Variants in KIAA1217 observed in about 807,000 individuals in gnomAD.
KIAA1217 encodes the protein sickle tail protein homolog.
KIAA1217 carries 88 observed loss-of-function variants against 163.9 expected under a neutral mutation model. The ratio of observed to expected loss-of-function variants is 0.54; its 90% CI spans 0.45 to 0.64. KIAA1217 has a LOEUF of 0.64. Ranked by LOEUF, KIAA1217 falls within the 30% of genes least tolerant of loss-of-function variation. The probability of loss-of-function intolerance (pLI) is 0.00; values close to 1 mark genes in which losing one functional copy is unlikely to be tolerated. For synonymous variants in KIAA1217, 903 were observed against 923.1 expected, an observed-to-expected ratio of 0.98 and a Z score of 0.39; for missense variants, 2,372 against 2,475.0, an observed-to-expected ratio of 0.96 and a Z score of 0.88.
At chr10:24,484,241 A>ATATATATATATTT (rs1376083298) in intron 6 of KIAA1217, among the ~76,000 whole-genome samples, 10 of 75,128 alleles carry the variant, frequency 1.3e-4, no homozygotes, top group Non-Finnish European at 2.0e-4. Context: ...ATATATATAT[A>ATATATATATATTT]TTTTTTTTTT....
chr10:23,955,229 T>G (rs1351756995), intron 1 of KIAA1217, among the ~76,000 whole-genome samples: 1 of 152,204 alleles, frequency 6.6e-6, no homozygotes, highest in Non-Finnish European at 1.5e-5. Flanking sequence ...GTCCAAGTCC[T>G]TAGCTGATAG....
At chr10:24,520,427 C>A (rs923007420) in intron 11 of KIAA1217, among the ~76,000 whole-genome samples, 174 bp downstream of exon 11, 51 of 151,666 alleles carry the variant, frequency 3.4e-4, no homozygotes, top group African/African-American at 1.2e-3. Flanking sequence ...GTGCACATCC[C>A]CCTCTTCTTG....
In KIAA1217 at chr10:23,809,227, G is replaced by A. The variant is rs115675030; in HGVS notation, c.-321+113993G>A. ...AGCAAATGCAAGTAAAAGTAATATT[G>A]GAAACATTTAACAATGGATATTTAA... On this transcript the variant is annotated intron_variant, in intron 1 of 18. Coordinates refer to the KIAA1217 transcript ENST00000376462. Among the ~76,000 whole-genome samples the A allele has an allele frequency of 6.9e-3, 1,044 of 151,972 alleles. 6 individuals carry two copies. Among genetic ancestry groups the A allele is most frequent in the African/African-American group, 0.023 (965 of 41,478 alleles).
At chr10:23,816,233 A>T (rs998522397) in intron 1 of KIAA1217, among the ~76,000 whole-genome samples, 2 of 152,122 alleles carry the variant, frequency 1.3e-5, no homozygotes, top group Non-Finnish European at 2.9e-5. Context: ...TGCAAACATT[A>T]CTTTGATCCT....
intron 3 of KIAA1217, among the ~76,000 whole-genome samples, chr10:24,397,686 T>C (rs1453572878): frequency 6.6e-6 from 1 of 152,208 alleles, no homozygotes; most frequent in Non-Finnish European, 1.5e-5. Flanking sequence ...AGGTCTCTTA[T>C]GAGAGCAGTG....
At chr10:24,464,408 C>T (rs1352749821) in intron 5 of KIAA1217, among the ~76,000 whole-genome samples, 1 of 152,154 alleles carries the variant, frequency 6.6e-6, no homozygotes, top group Non-Finnish European at 1.5e-5. Context: ...ATTGAACCGA[C>T]CGACTCTCAT....
intron 1 of KIAA1217, among the ~76,000 whole-genome samples, chr10:23,967,749 A>G (rs1427080655): frequency 6.6e-6 from 1 of 152,200 alleles, no homozygotes; most frequent in African/African-American, 2.4e-5. Flanking sequence ...CTGAATTACA[A>G]AAGACAAATT....
At chr10:23,880,617 G>C (rs1346950821) in intron 1 of KIAA1217, among the ~76,000 whole-genome samples, 1 of 151,966 alleles carries the variant, frequency 6.6e-6, no homozygotes, top group African/African-American at 2.4e-5. Context: ...TGGATTGTTT[G>C]AAATGCAAAG....
intron 5 of KIAA1217, among the ~76,000 whole-genome samples, chr10:24,440,956 C>A (rs1358424488): frequency 1.3e-5 from 2 of 152,166 alleles, no homozygotes. Context: ...GGTTGGAATT[C>A]TTTTTCCTTT....
chr10:24,500,184 A>AGTGTGTGTGTGTGTGTGT (rs57872451), intron 8 of KIAA1217, among the ~76,000 whole-genome samples: 1 of 143,158 alleles, frequency 7.0e-6, no homozygotes, highest in Non-Finnish European at 1.5e-5. Flanking sequence ...ACTGAACAGA[A>AGTGTGTGTGTGTGTGTGT]GTGTGTGTGT....
chr10:24,343,352 A>G (rs748055883), intron 2 of KIAA1217, among the ~76,000 whole-genome samples: 2 of 151,850 alleles, frequency 1.3e-5, no homozygotes, highest in Admixed American at 6.6e-5. Context: ...GTTTTGATTT[A>G]CATTTTTATA....
chr10:23,969,014 A>G (rs892734934), intron 1 of KIAA1217, among the ~76,000 whole-genome samples: 4 of 152,118 alleles, frequency 2.6e-5, no homozygotes, highest in Non-Finnish European at 5.9e-5. Context: ...TCTGGGGCAC[A>G]TAGAAGCTCT....
intron 2 of KIAA1217, among the ~76,000 whole-genome samples, chr10:24,068,812 C>T (rs1331816284): frequency 7.9e-5 from 12 of 152,200 alleles, no homozygotes; most frequent in Non-Finnish European, 2.9e-5. Flanking sequence ...CAACTCTTTC[C>T]TTCCTCAGGG....
chr10:24,230,698 C>G (rs1251490124), intron 2 of KIAA1217, among the ~76,000 whole-genome samples: 1 of 151,858 alleles, frequency 6.6e-6, no homozygotes, highest in African/African-American at 2.4e-5. Flanking sequence ...TTTTGGCTAA[C>G]TTTTGCATTT....
intron 1 of KIAA1217, among the ~76,000 whole-genome samples, chr10:23,757,503 C>A (rs1833983505): frequency 6.6e-6 from 1 of 151,944 alleles, no homozygotes; most frequent in South Asian, 2.1e-4. Context: ...TGTTAAGCAT[C>A]TTTTCTTTTC....
chr10:24,511,870 C>T (rs945811686), intron 9 of KIAA1217, among the ~76,000 whole-genome samples: 3 of 152,124 alleles, frequency 2.0e-5, no homozygotes, highest in South Asian at 2.1e-4. Context: ...ATGGCTGGTA[C>T]GTGTTCAGGT....
chr10:24,522,402 C>T (rs554118506), intron 12 of KIAA1217, among the ~76,000 whole-genome samples: 1 of 152,240 alleles, frequency 6.6e-6, no homozygotes, highest in African/African-American at 2.4e-5. Flanking sequence ...AGTTTATTAG[C>T]CTCCTTCACT....
intron 1 of KIAA1217, among the ~76,000 whole-genome samples, chr10:23,866,433 A>G (rs1294030425): frequency 1.3e-5 from 2 of 152,202 alleles, no homozygotes; most frequent in Non-Finnish European, 2.9e-5. Context: ...TGTTTTCTAA[A>G]GACATGATGT....
At chr10:24,274,632 T>A (rs1415510798) in intron 2 of KIAA1217, among the ~76,000 whole-genome samples, 1 of 152,172 alleles carries the variant, frequency 6.6e-6, no homozygotes, top group Non-Finnish European at 1.5e-5. Flanking sequence ...GAGTCCTGAA[T>A]TTATTAGTTA....
Sources: gnomAD v4.1 joint callset for allele counts (sites outside exome capture counted in the v4.1 genomes callset) on GRCh38, gnomAD v4.1.1 for gene constraint, MANE v1.5 for transcripts, NCBI Gene and HGNC (gene_info 2026-07-23, HGNC 2026-07-21) for gene names.